The following KIF6 variants were observed in gnomAD, a reference collection of about 807,000 sequenced individuals.
KIF6 encodes kinesin family member 6, also known as kinesin-like protein KIF6.
A neutral mutation model predicts 112.7 loss-of-function variants in KIF6; 106 were observed. That is an observed-to-expected ratio of 0.94 (90% confidence interval 0.80 to 1.11). The LOEUF (loss-of-function observed/expected upper bound fraction) is 1.11. Ranked by LOEUF, KIF6 falls within the 50% of genes least tolerant of loss-of-function variation. The pLI is 0.00. For synonymous variants in KIF6, 339 were observed against 339.9 expected, an observed-to-expected ratio of 1.00 and a Z score of 0.03; for missense variants, 929 against 964.0, an observed-to-expected ratio of 0.96 and a Z score of 0.48.
intron 3 of KIF6, among the ~76,000 whole-genome samples, chr6:39,644,421 C>T (rs1298215242): frequency 6.6e-6 from 1 of 151,980 alleles, no homozygotes; most frequent in Admixed American, 6.6e-5. Flanking sequence ...ACAAAGTGAC[C>T]GTCAGCTGAT....
chr6:39,474,694 G>T (rs1266835125), intron 13 of KIF6, among the ~76,000 whole-genome samples: 1 of 152,360 alleles, frequency 6.6e-6, no homozygotes, highest in South Asian at 2.1e-4. Flanking sequence ...AGGAACTCTG[G>T]GTATGTGGCA....
chr6:39,683,732 AG>A (rs144611036), intron 3 of KIF6, among the ~76,000 whole-genome samples: 4,749 of 152,332 alleles, frequency 0.031, 110 homozygotes, highest in Middle Eastern at 0.058. Flanking sequence ...ACAGAAGAAC[AG>A]CCGAGTGGGT....
At chr6:39,437,292 A>G (rs928148008) in intron 13 of KIF6, among the ~76,000 whole-genome samples, 1 of 152,196 alleles carries the variant, frequency 6.6e-6, no homozygotes, top group African/African-American at 2.4e-5. Flanking sequence ...TTTTCTAGGT[A>G]TAAGATCATA....
intron 10 of KIF6, among the ~76,000 whole-genome samples, chr6:39,547,657 A>C (rs1430820344): frequency 2.6e-5 from 4 of 152,192 alleles, no homozygotes; most frequent in Non-Finnish European, 5.9e-5. Context: ...ACCTATATTT[A>C]TATATTCATT....
chr6:39,457,284 G>A (rs1430989322), intron 13 of KIF6, among the ~76,000 whole-genome samples: 3 of 149,202 alleles, frequency 2.0e-5, no homozygotes, highest in African/African-American at 4.9e-5. Flanking sequence ...GGTACATAAC[G>A]AAATGAAGGC....
intron 13 of KIF6, among the ~76,000 whole-genome samples, chr6:39,474,697 A>G (rs1774319392): frequency 6.6e-6 from 1 of 152,250 alleles, no homozygotes; most frequent in Non-Finnish European, 1.5e-5. Flanking sequence ...AACTCTGGGT[A>G]TGTGGCAGGC....
intron 1 of KIF6, among the ~76,000 whole-genome samples, chr6:39,721,601 G>A (rs967523639): frequency 7.9e-5 from 12 of 152,078 alleles, no homozygotes; most frequent in Non-Finnish European, 1.6e-4. Context: ...AAAAGCATAA[G>A]ATTTGTCCCA....
chr6:39,472,805 A>C (rs975991646), intron 13 of KIF6, among the ~76,000 whole-genome samples: 3 of 152,020 alleles, frequency 2.0e-5, no homozygotes, highest in African/African-American at 4.8e-5. Context: ...TTTTGTTTTG[A>C]TGCAACTACA....
chr6:39,362,423 AG>A lies in KIF6; in HGVS notation c.1946+10del. 1 of 1,610,588 alleles carries A rather than the reference AG, an allele frequency of 6.2e-7. No homozygotes were observed. The highest frequency in any genetic ancestry group is 8.5e-7 in the Non-Finnish European group (1 of 1,177,058). ...TGGGCTCGGACTGTGTGTGGCTAAAAGGAAGGGCACCTTCTCTTTTCTTCCT... is the reference window on the plus strand; with the variant it reads ...TGGGCTCGGACTGTGTGTGGCTAAAAGAAGGGCACCTTCTCTTTTCTTCCT... On this transcript the variant is annotated intron_variant, in intron 17 of 22. Coordinates refer to ENST00000287152, the MANE Select transcript of KIF6 (RefSeq NM_145027.6).
Position 39,343,477 on chromosome 6 carries a change from A to G in KIF6, c.2428+232T>C, listed in dbSNP as rs1367770546. The G allele has an allele frequency of 1.4e-6, 2 of 1,480,652 alleles. No homozygotes were observed. The highest frequency in any genetic ancestry group is 5.6e-5 in the East Asian group (2 of 35,970). 91.7% of individuals were successfully genotyped at this position (1,480,652 alleles called of 1,614,324 possible). On this transcript the variant is annotated intron_variant, in intron 22 of 22. Transcript: ENST00000287152. This position sits in a 1 kb window ranked among gnomAD's most constrained non-coding sequence, Gnocchi z 4.1. ...AGCAAGCTCTGCCAAGAGGGACAGG[A>G]GCACCTGGGCCGCCCACCCACTTGG...
intron 3 of KIF6, among the ~76,000 whole-genome samples, chr6:39,659,223 T>C (rs1031411251): frequency 2.6e-5 from 4 of 152,342 alleles, no homozygotes; most frequent in South Asian, 2.1e-4. Context: ...ATGTATTTTA[T>C]AGCAATTTCC....
Position 39,435,660 on chromosome 6 carries a change from G to C in KIF6, c.1646-4499C>G, listed in dbSNP as rs576114700. On this transcript the variant is annotated intron_variant, in intron 13 of 22. Transcript: ENST00000287152. The stretch of plus-strand genomic sequence containing the variant: ...TTCTGTTCTCGAGTTACTTTACTTA[G>C]GATAATGGCCTCCAGTTTCATCCAA... Among the ~76,000 whole-genome samples the C allele has an allele frequency of 7.2e-5, 11 of 152,048 alleles. 1 individual carries two copies. The highest frequency in any genetic ancestry group is 2.0e-4 in the Admixed American group (3 of 15,254).
chr6:39,702,142 T>G (rs1325515874), intron 3 of KIF6, among the ~76,000 whole-genome samples: 1 of 152,180 alleles, frequency 6.6e-6, no homozygotes, highest in Non-Finnish European at 1.5e-5. Context: ...CTCTGCTGAT[T>G]CCTAACTGTC....
intron 13 of KIF6, among the ~76,000 whole-genome samples, chr6:39,519,369 A>G (rs1392093930): frequency 6.6e-6 from 1 of 152,224 alleles, no homozygotes; most frequent in Non-Finnish European, 1.5e-5. Flanking sequence ...GCCAGTACTA[A>G]GCATTGACAA....
rs574075935 is a variant in KIF6, at chr6:39,722,386, C to T, written c.67-1575G>A. On this transcript the variant is annotated intron_variant, in intron 1 of 22. Coordinates refer to ENST00000287152, the MANE Select transcript of KIF6 (RefSeq NM_145027.6). The stretch of plus-strand genomic sequence containing the variant: ...GTTTAGTGTAATATTGGCTTTCTAT[C>T]CTTATTCATAAAAATATTATTTGAG... Among the ~76,000 whole-genome samples, 310 of 152,222 alleles carry T rather than the reference C, an allele frequency of 2.0e-3. 1 individual carries two copies. The highest frequency in any genetic ancestry group is 6.8e-3 in the Middle Eastern group (2 of 294).
intron 2 of KIF6, among the ~76,000 whole-genome samples, chr6:39,717,696 C>G (rs1442001363): frequency 6.6e-6 from 1 of 152,082 alleles, no homozygotes; most frequent in Non-Finnish European, 1.5e-5. Flanking sequence ...CTGCTGTATT[C>G]CTAGCAATTA....
chr6:39,421,827 T>C (rs1770393144), intron 14 of KIF6, among the ~76,000 whole-genome samples: 1 of 152,204 alleles, frequency 6.6e-6, no homozygotes, highest in African/African-American at 2.4e-5. Flanking sequence ...TTCAGACATT[T>C]ACATGATGCA....
rs189800661 is a variant in KIF6 at position 39,643,434 on chromosome 6, G to C, written c.252-3677C>G. On this transcript the variant is annotated intron_variant, in intron 3 of 22. Transcript: ENST00000287152. ...TATTTCAAAACCTACTACAAAGCTA[G>C]AATAATTAAGACAGAGGGATACTGG... Among the ~76,000 whole-genome samples, 17 of 152,260 alleles carry C rather than the reference G, an allele frequency of 1.1e-4. No homozygotes were observed. The East Asian group carries it at 3.3e-3, about 29-fold the overall frequency.
chr6:39,414,152 G>T (rs952757964), intron 15 of KIF6, among the ~76,000 whole-genome samples: 1 of 151,908 alleles, frequency 6.6e-6, no homozygotes, highest in Non-Finnish European at 1.5e-5. Context: ...TTACTTTATG[G>T]TAACACATTT....
Sources: gnomAD v4.1 joint callset for allele counts (sites outside exome capture counted in the v4.1 genomes callset) on GRCh38, gnomAD v4.1.1 for gene constraint, Gnocchi (gnomAD v3.1) non-coding constraint, MANE v1.5 for transcripts, NCBI Gene and HGNC (gene_info 2026-07-23, HGNC 2026-07-21) for gene names.